The following C12orf42 variants were observed in gnomAD, a reference collection of about 807,000 sequenced individuals.
C12orf42 encodes the protein chromosome 12 open reading frame 42.
A neutral mutation model predicts 21.6 loss-of-function variants in C12orf42; 25 were observed. The ratio of observed to expected loss-of-function variants is 1.16; its 90% CI spans 0.84 to 1.62. The LOEUF is 1.62. Among genes scored for constraint, C12orf42 ranks in the 40% most tolerant of loss-of-function variants. C12orf42 has a pLI of 0.00. For synonymous variants in C12orf42, 174 were observed against 175.0 expected (o/e 0.99, Z 0.05); for missense variants, 483 against 459.3 (o/e 1.05, Z -0.47).
intron 3 of C12orf42, among the ~76,000 whole-genome samples, chr12:103,387,379 A>T (rs1189297744): frequency 6.6e-6 from 1 of 152,192 alleles, no homozygotes; most frequent in East Asian, 1.9e-4. Flanking sequence ...CACCCTACAC[A>T]CACACCCTCG....
chr12:103,368,319 A>T (rs7969447), intron 4 of C12orf42, among the ~76,000 whole-genome samples: 21,701 of 95,074 alleles, frequency 0.23, 1,783 homozygotes, highest in South Asian at 0.38. Context: ...TCTCTCTCTC[A>T]CACACACACA....
chr12:103,234,713 A>G (rs115636282), downstream of C12orf42, among the ~76,000 whole-genome samples: 1,123 of 152,186 alleles, frequency 7.4e-3, 13 homozygotes, highest in African/African-American at 0.022. Context: ...TTCTTCTATT[A>G]TAATGTCTTT....
At chr12:103,406,994 C>A (rs2048470651) in intron 2 of C12orf42, among the ~76,000 whole-genome samples, 1 of 152,186 alleles carries the variant, frequency 6.6e-6, no homozygotes, top group Non-Finnish European at 1.5e-5. Context: ...CTCCCTTTAT[C>A]CTCCACCAAA....
chr12:103,131,491 T>A, the C12orf42 span, among the ~76,000 whole-genome samples: 1 of 152,230 alleles, frequency 6.6e-6, no homozygotes, highest in Admixed American at 6.5e-5. Flanking sequence ...GTATAGCTTG[T>A]CAGATTTTCC....
chr12:103,086,326 A>C, the C12orf42 span, among the ~76,000 whole-genome samples: 1 of 151,884 alleles, frequency 6.6e-6, no homozygotes, highest in African/African-American at 2.4e-5. Context: ...ATATTTTCAG[A>C]AGTAGAGGTC....
intron 4 of C12orf42, among the ~76,000 whole-genome samples, chr12:103,288,414 T>C (rs1006681612): frequency 3.9e-5 from 6 of 152,204 alleles, no homozygotes; most frequent in African/African-American, 1.4e-4. Context: ...AGAAATGGGA[T>C]AAATTGATCA....
chr12:103,199,021 T>C, the C12orf42 span, among the ~76,000 whole-genome samples: 1 of 152,146 alleles, frequency 6.6e-6, no homozygotes, highest in Admixed American at 6.5e-5. Flanking sequence ...TTGAGCAATA[T>C]GAATGAAGCT....
rs993471341 is a variant in C12orf42, at chr12:103,303,181, A to G, written c.632-622T>C. On this transcript the variant is annotated intron_variant, in intron 5 of 5. Transcript: ENST00000548883. The stretch of plus-strand genomic sequence containing the variant: ...ACTTTTTTCTTTCTTTGCCCAACGA[A>G]ATAATTTTTCCATACAAAAGATGTG... Among the ~76,000 whole-genome samples, 6 of 152,158 alleles carry G rather than the reference A, an allele frequency of 3.9e-5. No homozygotes were observed. In the East Asian group the frequency reaches 1.2e-3, roughly 29 times the overall value.
the C12orf42 span, among the ~76,000 whole-genome samples, chr12:103,071,353 T>C: frequency 1.3e-5 from 2 of 152,148 alleles, no homozygotes; most frequent in Non-Finnish European, 2.9e-5. Context: ...GCAGAGACTC[T>C]TTTTCTATTA....
At chr12:103,216,401 C>T in the C12orf42 span, among the ~76,000 whole-genome samples, 3 of 149,274 alleles carry the variant, frequency 2.0e-5, no homozygotes, top group African/African-American at 7.4e-5. Context: ...GACAGAGTCT[C>T]GCTCTGTCAC....
chr12:103,505,486 C>T, the C12orf42 span: 1 of 383,960 alleles, frequency 2.6e-6, no homozygotes, highest in South Asian at 2.1e-5. Context: ...GTCATGGGAA[C>T]GTGGTAGGGA....
the C12orf42 span, among the ~76,000 whole-genome samples, chr12:103,053,647 G>C: frequency 6.6e-6 from 1 of 151,812 alleles, no homozygotes. Flanking sequence ...TTGTGTTTGC[G>C]ATGTTAATCT....
chr12:103,060,035 C>T, the C12orf42 span, among the ~76,000 whole-genome samples: 68 of 152,268 alleles, frequency 4.5e-4, no homozygotes, highest in African/African-American at 1.5e-3. Flanking sequence ...GAGAGGAAGC[C>T]ACATTGTCTC....
chr12:103,073,724 A>G, the C12orf42 span, among the ~76,000 whole-genome samples: 1 of 152,198 alleles, frequency 6.6e-6, no homozygotes, highest in South Asian at 2.1e-4. Flanking sequence ...CCATAAAAAA[A>G]TAAGCAAGAA....
chr12:103,058,532 A>T, the C12orf42 span, among the ~76,000 whole-genome samples: 1 of 152,200 alleles, frequency 6.6e-6, no homozygotes, highest in African/African-American at 2.4e-5. Context: ...CAGAATATAC[A>T]TTCTTCTCAG....
chr12:103,389,007 A>G (rs1165067641), intron 3 of C12orf42, among the ~76,000 whole-genome samples: 1 of 152,216 alleles, frequency 6.6e-6, no homozygotes, highest in East Asian at 1.9e-4. Flanking sequence ...AGTTTAGCCC[A>G]TGGTCCAAAT....
the C12orf42 span, among the ~76,000 whole-genome samples, chr12:103,082,356 T>C: frequency 6.6e-6 from 1 of 152,240 alleles, no homozygotes; most frequent in Non-Finnish European, 1.5e-5. Context: ...AATGTATGAT[T>C]ACGCTACAAT....
At chr12:103,095,063 C>T in the C12orf42 span, among the ~76,000 whole-genome samples, 23,066 of 152,062 alleles carry the variant, frequency 0.15, 2,241 homozygotes, top group East Asian at 0.51. Flanking sequence ...TGGAAAATCC[C>T]GCCAGCGTTT....
At chr12:103,365,149 G>A (rs1276848085) in intron 4 of C12orf42, among the ~76,000 whole-genome samples, 3 of 152,038 alleles carry the variant, frequency 2.0e-5, no homozygotes, top group Non-Finnish European at 4.4e-5. Flanking sequence ...TTTCATACCA[G>A]GGATGTAGGA....
Sources: allele counts gnomAD v4.1 joint callset (sites outside exome capture counted in the v4.1 genomes callset), GRCh38; gene constraint gnomAD v4.1.1; transcripts MANE v1.5; gene names NCBI Gene and HGNC (gene_info 2026-07-23, HGNC 2026-07-21).